The following ADAM12 variants were observed in gnomAD, a reference collection of about 807,000 sequenced individuals.
ADAM12 encodes the protein disintegrin and metalloproteinase domain-containing protein 12.
A neutral mutation model predicts 106.4 loss-of-function variants in ADAM12; 70 were observed. That is an observed-to-expected ratio of 0.66 (90% CI 0.54 to 0.80). The LOEUF is 0.80. Ranked by LOEUF, ADAM12 falls within the 30% of genes least tolerant of loss-of-function variation. The pLI is 0.00. For synonymous variants in ADAM12, 420 were observed against 433.5 expected (o/e 0.97, Z 0.39); for missense variants, 1,010 against 1,171.9 (o/e 0.86, Z 2.02).
At chr10:126,143,968 T>C (rs971842750) in intron 4 of ADAM12, among the ~76,000 whole-genome samples, 4 of 152,130 alleles carry the variant, frequency 2.6e-5, no homozygotes, top group African/African-American at 9.7e-5. Flanking sequence ...TACATTACAC[T>C]TAGTCCTGAG....
intron 4 of ADAM12, among the ~76,000 whole-genome samples, chr10:126,142,441 C>T (rs541841576): frequency 6.6e-6 from 1 of 152,342 alleles, no homozygotes; most frequent in South Asian, 2.1e-4. Flanking sequence ...GGAGCATGTC[C>T]TTAAGGCACA....
chr10:126,215,733 C>T (rs1957975897), intron 3 of ADAM12, among the ~76,000 whole-genome samples: 1 of 152,150 alleles, frequency 6.6e-6, no homozygotes, highest in Non-Finnish European at 1.5e-5. Context: ...GAAAAATAAG[C>T]CATTTTTCAA....
At chr10:126,252,063 TGATGGATGG>T (rs1958789806) in intron 3 of ADAM12, among the ~76,000 whole-genome samples, 5 of 130,400 alleles carry the variant, frequency 3.8e-5, no homozygotes, top group Admixed American at 2.3e-4. Flanking sequence ...ATGAGATGGA[TGATGGATGG>T]GATGAATGGA....
At chr10:126,292,074 G>C (rs780291091) in intron 2 of ADAM12, among the ~76,000 whole-genome samples, 1 of 151,896 alleles carries the variant, frequency 6.6e-6, no homozygotes, top group Non-Finnish European at 1.5e-5. Context: ...GAAGATGCTC[G>C]ACGCCAAATC....
At chr10:126,207,598 C>T (rs573193621) in intron 3 of ADAM12, among the ~76,000 whole-genome samples, 13 of 152,270 alleles carry the variant, frequency 8.5e-5, no homozygotes, top group Admixed American at 7.2e-4. Flanking sequence ...ATATAAAATA[C>T]GATTGCTTCT....
intron 2 of ADAM12, among the ~76,000 whole-genome samples, chr10:126,284,046 T>G (rs1959720642): frequency 6.6e-6 from 1 of 152,142 alleles, no homozygotes; most frequent in Non-Finnish European, 1.5e-5. Flanking sequence ...AAGTCTATCC[T>G]TCCTGGCTGG....
Position 126,017,233 on chromosome 10 carries a change from A to G in ADAM12, c.*46T>C. ...AAAAAACTCCAACTGGAGCTGAAAG[A>G]TAGTGCAAACTTCTGTCTTCACTGT... On this transcript the variant is annotated 3_prime_UTR_variant, in exon 23 of 23. Coordinates refer to ENST00000448723, the MANE Select transcript of ADAM12 (RefSeq NM_001288973.2). 6.7e-7 allele frequency: 1 copy of G among 1,502,598 alleles called. No individual in the cohort carries two copies. The highest frequency in any genetic ancestry group is 9.0e-7 in the Non-Finnish European group (1 of 1,110,796). The allele number at this position is 1,502,598 out of a possible 1,614,324, so 93.1% of individuals were successfully genotyped here.
rs994090128 is a variant in ADAM12, at chr10:126,290,869, T to C, written c.187-11881A>G. Among the ~76,000 whole-genome samples, 9 of 152,314 alleles carry C rather than the reference T, an allele frequency of 5.9e-5. No homozygotes were observed. The East Asian group carries it at 1.7e-3, about 29-fold the overall frequency. On this transcript the variant is annotated intron_variant, in intron 2 of 22. Coordinates refer to ENST00000448723, the MANE Select transcript of ADAM12 (RefSeq NM_001288973.2). The stretch of plus-strand genomic sequence containing the variant: ...GTGTACGACCAATCATAGAAGGGGA[T>C]AGAAGGTACTAGAAGACCTGTAAGA...
intron 3 of ADAM12, among the ~76,000 whole-genome samples, chr10:126,162,049 C>G (rs1022606313): frequency 1.3e-5 from 2 of 152,134 alleles, no homozygotes; most frequent in African/African-American, 4.8e-5. Flanking sequence ...CACGTGACAC[C>G]TAAATATTCT....
intron 18 of ADAM12, chr10:126,041,259 C>G (rs1482893450): frequency 1.1e-6 from 1 of 899,556 alleles, no homozygotes; most frequent in African/African-American, 1.8e-5. Flanking sequence ...GCCCCTGAGC[C>G]ATGGCCAGGC....
chr10:126,160,150 C>T (rs955287147), intron 3 of ADAM12, among the ~76,000 whole-genome samples: 3 of 152,058 alleles, frequency 2.0e-5, no homozygotes, highest in African/African-American at 7.3e-5. Context: ...AAGACAGGAA[C>T]AGGAGGAAAG....
intron 5 of ADAM12, among the ~76,000 whole-genome samples, chr10:126,131,634 G>A (rs1182499485): frequency 3.3e-5 from 5 of 152,102 alleles, no homozygotes; most frequent in South Asian, 2.1e-4. Flanking sequence ...GAGAGGTCAC[G>A]TGAGCACACA....
At chr10:126,262,382 C>T (rs1959019659) in intron 3 of ADAM12, among the ~76,000 whole-genome samples, 1 of 152,114 alleles carries the variant, frequency 6.6e-6, no homozygotes, top group Non-Finnish European at 1.5e-5. Flanking sequence ...TTGTCTTTGG[C>T]AACAAAGAGT....
chr10:126,076,355 G>T (rs1302877524), intron 11 of ADAM12, among the ~76,000 whole-genome samples: 1 of 152,140 alleles, frequency 6.6e-6, no homozygotes, highest in East Asian at 1.9e-4. Flanking sequence ...CTTCGCTATT[G>T]TGAATAGCGC....
intron 3 of ADAM12, among the ~76,000 whole-genome samples, chr10:126,256,449 C>G (rs1445959978): frequency 6.6e-6 from 1 of 152,192 alleles, no homozygotes; most frequent in East Asian, 1.9e-4. Context: ...GACGTGGCCA[C>G]AGTGATCTCT....
At chr10:126,198,019 T>C (rs1957629116) in intron 3 of ADAM12, among the ~76,000 whole-genome samples, 1 of 152,192 alleles carries the variant, frequency 6.6e-6, no homozygotes, top group Non-Finnish European at 1.5e-5. Flanking sequence ...CACAAAGACA[T>C]GTGTTCCAAA....
chr10:126,014,318 T>TG lies in ADAM12; in HGVS notation c.*2960_*2961insC. On this transcript the variant is annotated 3_prime_UTR_variant, in exon 23 of 23. Transcript: ENST00000448723. ...TTTTGACACAGTTTTAGCCGGTTTT[T>TG]TTTTTTTTTTTTTTTTTTTGAGGAT... is the stretch of plus-strand genomic sequence containing the variant. 1 of 143,842 alleles carries TG rather than the reference T, an allele frequency of 7.0e-6. No individual in the cohort carries two copies. Among genetic ancestry groups the TG allele is most frequent in the African/African-American group, 2.6e-5 (1 of 39,200 alleles). 8.9% of individuals were successfully genotyped at this position (143,842 alleles called of 1,614,324 possible).
At chr10:126,103,972 T>C (rs1043372911) in intron 8 of ADAM12, among the ~76,000 whole-genome samples, 2 of 152,158 alleles carry the variant, frequency 1.3e-5, no homozygotes, top group African/African-American at 4.8e-5. Flanking sequence ...TTAACTCCAA[T>C]ACAGTGAACT....
At chr10:126,084,657 C>T (rs1486286803) in intron 11 of ADAM12, among the ~76,000 whole-genome samples, 1 of 152,178 alleles carries the variant, frequency 6.6e-6, no homozygotes, top group Admixed American at 6.5e-5. Context: ...GCCACCAGGG[C>T]TGAAGTCTAC....
Sources: allele counts gnomAD v4.1 joint callset (sites outside exome capture counted in the v4.1 genomes callset), GRCh38; gene constraint gnomAD v4.1.1; transcripts MANE v1.5; gene names NCBI Gene and HGNC (gene_info 2026-07-23, HGNC 2026-07-21).